TANGO6: variants seen among roughly 807,000 people sequenced by gnomAD.
TANGO6 encodes the protein transport and Golgi organization protein 6 homolog.
TANGO6 carries 90 observed loss-of-function variants against 114.2 expected under a neutral mutation model. That is an observed-to-expected ratio of 0.79 (90% confidence interval 0.66 to 0.94). The LOEUF (loss-of-function observed/expected upper bound fraction) is 0.94. TANGO6 is among the 40% of genes least tolerant of loss of function. The probability of loss-of-function intolerance (pLI) is 0.00; values close to 1 mark genes in which losing one functional copy is unlikely to be tolerated. For missense variants in TANGO6, 1,274 were observed against 1,315.3 expected (o/e 0.97, Z 0.49); for synonymous variants, 477 against 509.8 (o/e 0.94, Z 0.87).
At chr16:69,080,235 A>G (rs1371957488) in intron 17 of TANGO6, among the ~76,000 whole-genome samples, 2 of 127,670 alleles carry the variant, frequency 1.6e-5, no homozygotes, top group South Asian at 2.2e-4. Flanking sequence ...TAAGTGGGGG[A>G]AAAAATATGG....
At chr16:69,037,449 T>G (rs1959707533) in intron 16 of TANGO6, among the ~76,000 whole-genome samples, 1 of 152,222 alleles carries the variant, frequency 6.6e-6, no homozygotes, top group Non-Finnish European at 1.5e-5. Context: ...GTCCATGGCC[T>G]TGGGCTGGCT....
Position 69,068,863 on chromosome 16 carries a change from G to A in TANGO6, c.3109-14622G>A, listed in dbSNP as rs374246348. ...CGTGTAGCTGGGATTACAGGTGCCC[G>A]CCACCACGCCCAGGTAATTTTTTTC... On this transcript the variant is annotated intron_variant, in intron 17 of 17. Transcript: ENST00000261778. Among the ~76,000 whole-genome samples, 44 of 152,144 alleles carry A rather than the reference G, an allele frequency of 2.9e-4. No homozygotes were observed. In the South Asian group the frequency reaches 5.6e-3, roughly 19 times the overall value.
chr16:69,035,437 T>C (rs377008791), intron 16 of TANGO6: 1 of 152,354 alleles, frequency 6.6e-6, no homozygotes, highest in African/African-American at 2.4e-5. Context: ...AAGTCATGCT[T>C]CCTTGATACA....
At chr16:68,918,981 C>G in intron 11 of TANGO6, 104 bp from the exon 12 acceptor site, 8 of 1,369,346 alleles carry the variant, frequency 5.8e-6, no homozygotes, top group Non-Finnish European at 7.9e-6. Context: ...TTCTTGCTAT[C>G]ATGATGTAGA....
intron 17 of TANGO6, among the ~76,000 whole-genome samples, chr16:69,053,216 C>T (rs1567566648): frequency 6.6e-6 from 1 of 151,664 alleles, no homozygotes; most frequent in African/African-American, 2.4e-5. Context: ...AATATGTATT[C>T]ATTATTATTA....
rs766845644 is a variant in TANGO6, at chr16:68,880,460, C to G, written c.1295-88C>G. ...TCTTAGGTGTTACTTACTGAGCCAT[C>G]TTTCTAGTAAAGCTTCCTTCCTTAG... On this transcript the variant is annotated intron_variant, in intron 6 of 17. Coordinates refer to ENST00000261778, the MANE Select transcript of TANGO6 (RefSeq NM_024562.2). 2.9e-5 allele frequency: 25 copies of G among 870,662 alleles called. 1 individual carries two copies. In the South Asian group the frequency reaches 4.2e-4, roughly 15 times the overall value. 53.9% of individuals were successfully genotyped at this position (870,662 alleles called of 1,614,324 possible).
rs567772672 is a variant in TANGO6, at chr16:69,066,588, C to A, written c.3109-16897C>A. 1.8e-4 allele frequency among the ~76,000 whole-genome samples: 27 copies of A among 152,260 alleles called. No individual in the cohort carries two copies. In the South Asian group the frequency reaches 5.4e-3, roughly 30 times the overall value. ...CTGGGATTACAGGCATAAGCCACCG[C>A]GCCCGGACTTCCCCTCCTATTCTTA... On this transcript the variant is annotated intron_variant, in intron 17 of 17. Coordinates refer to ENST00000261778, the MANE Select transcript of TANGO6 (RefSeq NM_024562.2).
intron 14 of TANGO6, among the ~76,000 whole-genome samples, chr16:68,949,292 G>A (rs190917130): frequency 1.9e-4 from 29 of 152,252 alleles, no homozygotes; most frequent in African/African-American, 5.5e-4. Flanking sequence ...TTTGAGATCT[G>A]TTGTATTTCT....
rs760304400 is a variant in TANGO6 at position 68,950,762 on chromosome 16, G to A, written c.2701+20467G>A. Among the ~76,000 whole-genome samples, 8 of 151,894 alleles carry A rather than the reference G, an allele frequency of 5.3e-5. No individual in the cohort carries two copies. In the South Asian group the frequency reaches 1.7e-3, roughly 32 times the overall value. On this transcript the variant is annotated intron_variant, in intron 14 of 17. Coordinates refer to ENST00000261778, the MANE Select transcript of TANGO6 (RefSeq NM_024562.2). ...TGATCCCAGCTGCTCAGGAGGCTGA[G>A]GCAGGAGAATCGCTTGAGCCTGGGA...
In TANGO6 at chr16:69,085,106, C is replaced by T. The variant is rs1352747452; in HGVS notation, c.*1445C>T. 1 of 152,324 alleles carries T rather than the reference C, an allele frequency of 6.6e-6. No homozygotes were observed. The highest frequency in any genetic ancestry group is 1.5e-5 in the Non-Finnish European group (1 of 68,028). The allele number at this position is 152,324 out of a possible 1,614,324, so 9.4% of individuals were successfully genotyped here. On this transcript the variant is annotated 3_prime_UTR_variant, in exon 18 of 18. Coordinates refer to ENST00000261778, the MANE Select transcript of TANGO6 (RefSeq NM_024562.2). Reference sequence around the variant, plus strand: ...GATGTCTAGAAAATGGGCATTGTGGCTTTCAAATCTAAGAAGAATCTCCTT... The same window carrying T: ...GATGTCTAGAAAATGGGCATTGTGGTTTTCAAATCTAAGAAGAATCTCCTT...
intron 7 of TANGO6, among the ~76,000 whole-genome samples, chr16:68,894,686 G>C (rs1294905278): frequency 6.6e-6 from 1 of 152,036 alleles, no homozygotes; most frequent in Non-Finnish European, 1.5e-5. Context: ...TAAGTATTGA[G>C]AGGCCAGGGG....
chr16:69,009,421 T>G (rs903837442), intron 15 of TANGO6, among the ~76,000 whole-genome samples: 1 of 152,190 alleles, frequency 6.6e-6, no homozygotes, highest in African/African-American at 2.4e-5. Flanking sequence ...TTCTATTGAT[T>G]TACCTATTAT....
At chr16:68,940,051 CTTCAT>C (rs1477970297) in intron 14 of TANGO6, among the ~76,000 whole-genome samples, 1 of 151,356 alleles carries the variant, frequency 6.6e-6, no homozygotes, top group Non-Finnish European at 1.5e-5. Flanking sequence ...CCCTTCCTTC[CTTCAT>C]TTCCTTTCTT....
At chr16:69,051,257 T>C (rs1959943507) in intron 17 of TANGO6, among the ~76,000 whole-genome samples, 1 of 152,128 alleles carries the variant, frequency 6.6e-6, no homozygotes, top group Non-Finnish European at 1.5e-5. Flanking sequence ...AAATTTACTT[T>C]CGGCTGAGCA....
chr16:68,955,400 C>T (rs1963519418), intron 14 of TANGO6, among the ~76,000 whole-genome samples: 3 of 152,128 alleles, frequency 2.0e-5, no homozygotes, highest in South Asian at 2.1e-4. Context: ...GTCCAGATGC[C>T]ATTCATAACA....
intron 14 of TANGO6, among the ~76,000 whole-genome samples, chr16:68,949,833 T>TTATA (rs372358827): frequency 6.6e-6 from 1 of 150,874 alleles, no homozygotes; most frequent in African/African-American, 2.4e-5. Flanking sequence ...AAGTTTATAT[T>TTATA]TATATATATA....
intron 17 of TANGO6, among the ~76,000 whole-genome samples, chr16:69,043,157 C>T (rs1959798491): frequency 6.6e-6 from 1 of 152,026 alleles, no homozygotes; most frequent in Admixed American, 6.6e-5. Context: ...ACCGGGGAGG[C>T]GGAGGTTGCA....
At chr16:68,944,895 G>A (rs1375798741) in intron 14 of TANGO6, among the ~76,000 whole-genome samples, 2 of 152,216 alleles carry the variant, frequency 1.3e-5, no homozygotes, top group African/African-American at 4.8e-5. Context: ...GTTTGGCCGG[G>A]CACGGTGGCT....
intron 15 of TANGO6, among the ~76,000 whole-genome samples, chr16:69,012,829 G>A (rs1005907822): frequency 2.6e-5 from 4 of 152,184 alleles, no homozygotes; most frequent in African/African-American, 9.7e-5. Context: ...ATTAAAAGAT[G>A]AATTAGGATC....
Sources: gnomAD v4.1 joint callset for allele counts (sites outside exome capture counted in the v4.1 genomes callset) on GRCh38, gnomAD v4.1.1 for gene constraint, MANE v1.5 for transcripts, NCBI Gene and HGNC (gene_info 2026-07-23, HGNC 2026-07-21) for gene names.